The following SNX27 variants were observed in gnomAD, a reference collection of about 807,000 sequenced individuals.
The protein encoded by SNX27 is sorting nexin-27.
Under a neutral mutation model 71.6 loss-of-function variants are expected in SNX27, and 22 were observed. The ratio of observed to expected loss-of-function variants is 0.31; its 90% CI spans 0.22 to 0.44. The LOEUF (loss-of-function observed/expected upper bound fraction) is 0.44, where lower values mean the gene tolerates loss of function less well. Among genes scored for constraint, SNX27 ranks in the 20% least tolerant of loss-of-function variants. The probability of loss-of-function intolerance (pLI) is 1.00; values close to 1 mark genes in which losing one functional copy is unlikely to be tolerated. For synonymous variants in SNX27, 269 were observed against 277.2 expected, an observed-to-expected ratio of 0.97 and a Z score of 0.29; for missense variants, 531 against 698.6, an observed-to-expected ratio of 0.76 and a Z score of 2.70.
At chr1:151,694,147 A>G (rs867153463) in intron 11 of SNX27, 1 of 1,302,350 alleles carries the variant, frequency 7.7e-7, no homozygotes, top group Non-Finnish European at 9.8e-7. Flanking sequence ...CCTAGCTTTC[A>G]GTTTTCTCTT....
chr1:151,662,253 A>T lies in SNX27; in HGVS notation c.889A>T (p.Thr297Ser). ...AGTCAGGGTTAAAAAGAACAGTACTACAGACCAAGTATATCAGGTAAATTA... is the reference window on the plus strand; with the variant it reads ...AGTCAGGGTTAAAAAGAACAGTACTTCAGACCAAGTATATCAGGTAAATTA... ...VTVRVKKNST[T>S]DQVYQAIAAK... The change falls in exon 5 of 12, where the codon ACA becomes TCA. Residue 297 changes from threonine (T) to serine (S), a missense_variant. Thr to Ser is a moderately conservative substitution (Grantham distance 58). Around this residue, in one of 5 missense-constraint regions of SNX27, gnomAD observed 184 missense variants for 289.6 expected, o/e 0.64. Coordinates refer to ENST00000458013, the MANE Select transcript of SNX27 (RefSeq NM_001330723.2). 1.9e-6 allele frequency: 3 copies of T among 1,610,062 alleles called. No individual in the cohort carries two copies. Among genetic ancestry groups the T allele is most frequent in the Non-Finnish European group, 2.5e-6 (3 of 1,176,516 alleles).
chr1:151,674,714 G>A lies in SNX27; in HGVS notation c.1149+6079G>A, dbSNP rs188581506. On this transcript the variant is annotated intron_variant, in intron 7 of 11. Coordinates refer to ENST00000458013, the MANE Select transcript of SNX27 (RefSeq NM_001330723.2). ...TTTCTTTTTTTTTTTTTGAGACAAAGTCTCGCTTTGTCGCCAGGCTAGAGG... is the reference window on the plus strand; with the variant it reads ...TTTCTTTTTTTTTTTTTGAGACAAAATCTCGCTTTGTCGCCAGGCTAGAGG... 2.8e-3 allele frequency among the ~76,000 whole-genome samples: 419 copies of A among 151,140 alleles called. 1 individual carries two copies. Among genetic ancestry groups the A allele is most frequent in the African/African-American group, 9.4e-3 (389 of 41,176 alleles).
intron 7 of SNX27, among the ~76,000 whole-genome samples, chr1:151,682,557 G>T (rs1346269668): frequency 6.6e-6 from 1 of 152,024 alleles, no homozygotes; most frequent in Non-Finnish European, 1.5e-5. Context: ...TCCTGACCTT[G>T]TGATTCACCC....
intron 1 of SNX27, among the ~76,000 whole-genome samples, chr1:151,619,922 G>A (rs548757490): frequency 6.6e-5 from 10 of 152,300 alleles, no homozygotes; most frequent in African/African-American, 2.2e-4. Flanking sequence ...AAAGCTAAAC[G>A]AGGTAATAGA....
chr1:151,628,662 G>C (rs1445388931), intron 1 of SNX27, among the ~76,000 whole-genome samples: 1 of 152,160 alleles, frequency 6.6e-6, no homozygotes, highest in Non-Finnish European at 1.5e-5. Context: ...GTATTACCAG[G>C]TTTTTTGATT....
intron 1 of SNX27, among the ~76,000 whole-genome samples, chr1:151,630,025 C>T (rs1183936287): frequency 1.3e-5 from 2 of 151,176 alleles, no homozygotes; most frequent in Non-Finnish European, 1.5e-5. Flanking sequence ...GCAGGAGAAT[C>T]GCTTGAACCC....
chr1:151,623,888 T>C (rs1219230969), intron 1 of SNX27, among the ~76,000 whole-genome samples: 3 of 152,218 alleles, frequency 2.0e-5, no homozygotes, highest in African/African-American at 7.2e-5. Flanking sequence ...CAGAACTTAC[T>C]TTAAGACCTC....
At chr1:151,673,842 T>A (rs921544558) in intron 7 of SNX27, among the ~76,000 whole-genome samples, 1 of 152,224 alleles carries the variant, frequency 6.6e-6, no homozygotes, top group Non-Finnish European at 1.5e-5. Flanking sequence ...TTGTCTGATA[T>A]AAGTATAGCT....
Position 151,692,610 on chromosome 1 carries a change from C to T in SNX27, c.1389+26C>T, listed in dbSNP as rs760729338. The T allele has an allele frequency of 7.5e-6, 12 of 1,601,340 alleles. No homozygotes were observed. In the East Asian group the frequency reaches 8.9e-5, roughly 12 times the overall value. On this transcript the variant is annotated intron_variant, in intron 9 of 11. Coordinates refer to ENST00000458013, the MANE Select transcript of SNX27 (RefSeq NM_001330723.2). The stretch of plus-strand genomic sequence containing the variant: ...GTGAGTTTTCAGCATAGGGCTCTGG[C>T]TGCGAGGACTGGAGATACTTTGATG...
intron 8 of SNX27, among the ~76,000 whole-genome samples, chr1:151,685,792 T>G (rs16833464): frequency 0.02 from 3,072 of 152,336 alleles, 103 homozygotes; most frequent in African/African-American, 0.069. Context: ...TGAAAAGTAA[T>G]AAATCTCTAT....
At position 151,661,079 on chromosome 1, in the gene SNX27, C is replaced by T; in HGVS notation, c.801+217C>T. On this transcript the variant is annotated intron_variant, in intron 4 of 11. Coordinates refer to ENST00000458013, the MANE Select transcript of SNX27 (RefSeq NM_001330723.2). ...GCCCACTTTCTCTTTGAAACCATCC[C>T]TGATGAGTTTTCATCAATTTTTCAT... 6.4e-6 allele frequency: 3 copies of T among 470,420 alleles called. No homozygotes were observed. The South Asian group carries it at 9.7e-5, about 15-fold the overall frequency. The allele number at this position is 470,420 out of a possible 1,614,324, so 29.1% of individuals were successfully genotyped here. A position where few individuals can be genotyped will look rare whatever the true frequency, so the allele number is the denominator to read the frequency against.
At chr1:151,632,610 G>T (rs1264221229) in intron 1 of SNX27, among the ~76,000 whole-genome samples, 1 of 152,088 alleles carries the variant, frequency 6.6e-6, no homozygotes, top group Non-Finnish European at 1.5e-5. Flanking sequence ...GTAAGACTTG[G>T]AAATAGCCAA....
At chr1:151,693,566 C>T (rs375082081) in intron 11 of SNX27, 83 bp downstream of exon 11, 18 of 1,611,880 alleles carry the variant, frequency 1.1e-5, no homozygotes, top group African/African-American at 5.3e-5. Context: ...ATACCTGGGA[C>T]CCTCACCTCC....
intron 2 of SNX27, among the ~76,000 whole-genome samples, chr1:151,646,833 G>A (rs1009491363): frequency 6.6e-6 from 1 of 151,584 alleles, no homozygotes; most frequent in African/African-American, 2.4e-5. Flanking sequence ...AATACCTTCT[G>A]TGTGTGTGCG....
At chr1:151,681,233 A>ATCTTTT (rs1670931256) in intron 7 of SNX27, among the ~76,000 whole-genome samples, 1 of 87,376 alleles carries the variant, frequency 1.1e-5, no homozygotes, top group Non-Finnish European at 2.2e-5. Flanking sequence ...TAGTCTCTCA[A>ATCTTTT]TCTTTTTTTT....
intron 1 of SNX27, among the ~76,000 whole-genome samples, chr1:151,636,389 C>G (rs1158011542): frequency 6.6e-6 from 1 of 152,132 alleles, no homozygotes; most frequent in Non-Finnish European, 1.5e-5. Context: ...CAGCCTTGAA[C>G]TCCCAGGCTC....
At chr1:151,663,374 T>G (rs1485299566) in intron 5 of SNX27, among the ~76,000 whole-genome samples, 1 of 152,054 alleles carries the variant, frequency 6.6e-6, no homozygotes, top group Non-Finnish European at 1.5e-5. Context: ...ATGGTCTGAA[T>G]CTCCTGACCT....
intron 2 of SNX27, among the ~76,000 whole-genome samples, chr1:151,651,528 G>A (rs1479683422): frequency 6.6e-6 from 1 of 150,576 alleles, no homozygotes; most frequent in Non-Finnish European, 1.5e-5. Context: ...TCTCAGACGG[G>A]GCGGCCGGGC....
chr1:151,613,279 C>T (rs553783980), intron 1 of SNX27: 1 of 152,254 alleles, frequency 6.6e-6, no homozygotes, highest in African/African-American at 2.4e-5. Flanking sequence ...CGTATCACAC[C>T]CTAATTTGGA....
Sources: gnomAD v4.1 joint callset for allele counts (sites outside exome capture counted in the v4.1 genomes callset) on GRCh38, gnomAD v4.1.1 for gene constraint, gnomAD v4.1.1 regional missense constraint, MANE v1.5 for transcripts, NCBI Gene and HGNC (gene_info 2026-07-23, HGNC 2026-07-21) for gene names.